The following C8orf34 variants were observed in gnomAD, a reference collection of about 807,000 sequenced individuals.
C8orf34 encodes uncharacterized protein C8orf34.
Under a neutral mutation model 68.3 loss-of-function variants are expected in C8orf34, and 65 were observed. The observed-to-expected ratio is 0.95, with a 90% CI of 0.78 to 1.17. The LOEUF (loss-of-function observed/expected upper bound fraction) is 1.17, where lower values mean the gene tolerates loss of function less well. Among genes scored for constraint, C8orf34 ranks in the 50% most tolerant of loss-of-function variants. The probability of loss-of-function intolerance (pLI) is 0.00; values close to 1 mark genes in which losing one functional copy is unlikely to be tolerated. For missense variants in C8orf34, 664 were observed against 655.4 expected, an observed-to-expected ratio of 1.01 and a Z score of -0.14; for synonymous variants, 244 against 241.2, an observed-to-expected ratio of 1.01 and a Z score of -0.11.
chr8:68,666,883 C>G (rs1246591275), intron 8 of C8orf34, among the ~76,000 whole-genome samples: 1 of 152,036 alleles, frequency 6.6e-6, no homozygotes, highest in East Asian at 1.9e-4. Flanking sequence ...TATTTTTATC[C>G]TCATTAATAT....
At chr8:68,800,960 A>T (rs1824311585) in intron 12 of C8orf34, among the ~76,000 whole-genome samples, 2 of 152,328 alleles carry the variant, frequency 1.3e-5, no homozygotes, top group African/African-American at 2.4e-5. Context: ...GAGGAGGGAT[A>T]TTCAGGGAAT....
chr8:68,654,013 A>C (rs1052532323), intron 8 of C8orf34, among the ~76,000 whole-genome samples: 1 of 152,180 alleles, frequency 6.6e-6, no homozygotes, highest in Non-Finnish European at 1.5e-5. Flanking sequence ...GAACATATAT[A>C]TAATTTTGTT....
intron 7 of C8orf34, among the ~76,000 whole-genome samples, chr8:68,621,677 T>C (rs1302496260): frequency 6.6e-6 from 1 of 152,212 alleles, no homozygotes; most frequent in Non-Finnish European, 1.5e-5. Context: ...TGTCTTAAGA[T>C]GGTTTGGAAT....
chr8:68,639,253 G>T (rs1249072721), intron 7 of C8orf34, among the ~76,000 whole-genome samples: 1 of 152,092 alleles, frequency 6.6e-6, no homozygotes, highest in Non-Finnish European at 1.5e-5. Flanking sequence ...CTCCCATGAA[G>T]TTGAGTTAAA....
intron 7 of C8orf34, among the ~76,000 whole-genome samples, chr8:68,553,357 C>A (rs1437001195): frequency 1.4e-5 from 2 of 144,398 alleles, no homozygotes; most frequent in Non-Finnish European, 3.0e-5. Flanking sequence ...TGCACTCCAG[C>A]CTGGGCGACA....
At chr8:68,411,146 G>T (rs1809427345) in intron 1 of C8orf34, among the ~76,000 whole-genome samples, 1 of 152,022 alleles carries the variant, frequency 6.6e-6, no homozygotes, top group African/African-American at 2.4e-5. Context: ...TAGAAGTTTG[G>T]AGCATGAAGG....
At chr8:68,344,722 A>C (rs1224144097) in intron 1 of C8orf34, among the ~76,000 whole-genome samples, 1 of 152,158 alleles carries the variant, frequency 6.6e-6, no homozygotes, top group Non-Finnish European at 1.5e-5. Context: ...CAAATTAGAG[A>C]ATTAGTTAAT....
At chr8:68,621,968 A>G (rs1259277297) in intron 7 of C8orf34, among the ~76,000 whole-genome samples, 2 of 152,220 alleles carry the variant, frequency 1.3e-5, no homozygotes, top group African/African-American at 2.4e-5. Flanking sequence ...ACTTCAGGCC[A>G]TCTCACATGG....
At chr8:68,612,405 G>C (rs975113427) in intron 7 of C8orf34, among the ~76,000 whole-genome samples, 4 of 152,102 alleles carry the variant, frequency 2.6e-5, no homozygotes, top group African/African-American at 7.2e-5. Context: ...CAGTAGTCTA[G>C]CTCCAGAGGT....
intron 3 of C8orf34, among the ~76,000 whole-genome samples, chr8:68,453,000 A>G (rs1811408454): frequency 6.6e-6 from 1 of 151,938 alleles, no homozygotes; most frequent in African/African-American, 2.4e-5. Flanking sequence ...CAGTTGTCTC[A>G]GTACCAATTT....
chr8:68,419,163 C>T (rs1370693000), intron 1 of C8orf34, among the ~76,000 whole-genome samples: 20 of 152,020 alleles, frequency 1.3e-4, no homozygotes, highest in East Asian at 1.2e-3. Context: ...AAGAAGTGGG[C>T]GAAGGACATG....
intron 8 of C8orf34, among the ~76,000 whole-genome samples, chr8:68,677,499 C>T (rs1003660318): frequency 2.5e-4 from 38 of 152,042 alleles, no homozygotes; most frequent in African/African-American, 8.5e-4. Context: ...ACTGAGACTA[C>T]AAGCATGTGT....
chr8:68,779,436 G>A (rs2129528714), intron 11 of C8orf34, among the ~76,000 whole-genome samples: 1 of 152,264 alleles, frequency 6.6e-6, no homozygotes, highest in African/African-American at 2.4e-5. Context: ...AGGGCCAGAG[G>A]CAACATACAT....
intron 7 of C8orf34, among the ~76,000 whole-genome samples, chr8:68,613,973 A>T (rs1218902725): frequency 6.6e-6 from 1 of 152,100 alleles, no homozygotes; most frequent in African/African-American, 2.4e-5. Flanking sequence ...CTTTTTAATG[A>T]TTGGCATTCT....
intron 7 of C8orf34, among the ~76,000 whole-genome samples, chr8:68,557,122 T>C (rs1014336081): frequency 1.3e-5 from 2 of 152,182 alleles, no homozygotes; most frequent in Non-Finnish European, 2.9e-5. Flanking sequence ...TTGCTGGATC[T>C]ACATAGTGAT....
intron 1 of C8orf34, among the ~76,000 whole-genome samples, chr8:68,428,151 G>T (rs1226026759): frequency 2.6e-5 from 4 of 151,596 alleles, no homozygotes; most frequent in African/African-American, 9.7e-5. Context: ...ATATCTTCAA[G>T]CTTAAAAAGC....
chr8:68,512,173 A>G (rs1814304385), intron 5 of C8orf34, among the ~76,000 whole-genome samples: 1 of 152,242 alleles, frequency 6.6e-6, no homozygotes, highest in African/African-American at 2.4e-5. Flanking sequence ...ACAACTGACA[A>G]AGAAGTTTGG....
intron 6 of C8orf34, among the ~76,000 whole-genome samples, chr8:68,531,027 A>T (rs1815221931): frequency 6.6e-6 from 1 of 152,086 alleles, no homozygotes; most frequent in African/African-American, 2.4e-5. Context: ...ATCTTTATCT[A>T]TGACCTATTA....
chr8:68,662,665 A>G (rs1482488480), intron 8 of C8orf34, among the ~76,000 whole-genome samples: 6 of 152,224 alleles, frequency 3.9e-5, no homozygotes, highest in Admixed American at 3.9e-4. Context: ...TTCTTTATAA[A>G]TTACCCAATC....
Sources: gnomAD v4.1 joint callset for allele counts (sites outside exome capture counted in the v4.1 genomes callset) on GRCh38, gnomAD v4.1.1 for gene constraint, MANE v1.5 for transcripts, NCBI Gene and HGNC (gene_info 2026-07-23, HGNC 2026-07-21) for gene names.